The following DPP6 variants were observed in gnomAD, a reference collection of about 807,000 sequenced individuals.
DPP6 encodes the protein A-type potassium channel modulatory protein DPP6.
Under a neutral mutation model 122.6 loss-of-function variants are expected in DPP6, and 69 were observed. The ratio of observed to expected loss-of-function variants is 0.56; its 90% CI spans 0.46 to 0.69. DPP6 has a LOEUF of 0.69. Among genes scored for constraint, DPP6 ranks in the 30% least tolerant of loss-of-function variants. DPP6 has a pLI of 0.00. For missense variants in DPP6, 928 were observed against 1,116.9 expected, an observed-to-expected ratio of 0.83 and a Z score of 2.41; for synonymous variants, 418 against 433.1, an observed-to-expected ratio of 0.97 and a Z score of 0.43.
intron 1 of DPP6, among the ~76,000 whole-genome samples, chr7:153,909,880 G>GT (rs773193930): frequency 3.0e-4 from 46 of 152,246 alleles, no homozygotes; most frequent in Admixed American, 1.4e-3. Flanking sequence ...CACAGGAGAG[G>GT]ATATTGGAGC....
Position 154,604,277 on chromosome 7 carries a change from T to A in DPP6, c.628-33544T>A, listed in dbSNP as rs1284579885. Among the ~76,000 whole-genome samples the A allele has an allele frequency of 3.3e-5, 4 of 120,198 alleles. 2 individuals are homozygous for A. Among genetic ancestry groups the A allele is most frequent in the Non-Finnish European group, 7.5e-5 (4 of 53,390 alleles). The allele number at this position is 120,198 out of a possible 152,430, so 78.9% of individuals were successfully genotyped here. A position where few individuals can be genotyped will look rare whatever the true frequency, so the allele number is the denominator to read the frequency against. Reference sequence around the variant, plus strand: ...TCCTTTTCTCGTCTTTCTCTTCTGTTCTATTTATCTATCCTTACACAATAC... The same window carrying A: ...TCCTTTTCTCGTCTTTCTCTTCTGTACTATTTATCTATCCTTACACAATAC... On this transcript the variant is annotated intron_variant, in intron 5 of 25. Coordinates refer to ENST00000377770, the MANE Select transcript of DPP6 (RefSeq NM_130797.4).
chr7:154,708,316 C>T lies in DPP6; in HGVS notation c.763-19451C>T, dbSNP rs1586929623. Among the ~76,000 whole-genome samples, 8 of 152,318 alleles carry T rather than the reference C, an allele frequency of 5.3e-5. 1 individual carries two copies. The highest frequency in any genetic ancestry group is 4.6e-4 in the Admixed American group (7 of 15,286). ...ATTTCCAGCAGTCTCTTCATGTAAT[C>T]TCTGCAAGAAAAGTCTCTTTTGATA... On this transcript the variant is annotated intron_variant, in intron 7 of 25. Transcript: ENST00000377770.
At position 154,675,554 on chromosome 7, in the gene DPP6, G is replaced by A. The variant is rs191621637; in HGVS notation, c.762+6113G>A. On this transcript the variant is annotated intron_variant, in intron 7 of 25. Coordinates refer to ENST00000377770, the MANE Select transcript of DPP6 (RefSeq NM_130797.4). ...CGGGACCCTGCAGGCCGGTCCTGCC[G>A]TGCATGTACTTTCCTGTCATTCTCT... Among the ~76,000 whole-genome samples the A allele has an allele frequency of 8.2e-4, 125 of 152,258 alleles. 1 individual carries two copies. The highest frequency in any genetic ancestry group is 3.4e-3 in the Middle Eastern group (1 of 294).
chr7:154,693,043 C>T, intron 7 of DPP6, among the ~76,000 whole-genome samples: 1 of 152,182 alleles, frequency 6.6e-6, no homozygotes, highest in East Asian at 1.9e-4. Flanking sequence ...CCTCCTGCCT[C>T]AGCCTCCCAA....
chr7:153,964,763 A>G (rs1176459141), intron 1 of DPP6, among the ~76,000 whole-genome samples: 1 of 144,188 alleles, frequency 6.9e-6, no homozygotes, highest in Non-Finnish European at 1.5e-5. Flanking sequence ...CTGATGCTCC[A>G]CATTCTTCTC....
chr7:154,661,733 T>C (rs1284662359), intron 6 of DPP6, among the ~76,000 whole-genome samples: 4 of 142,786 alleles, frequency 2.8e-5, no homozygotes, highest in South Asian at 2.3e-4. Context: ...GTAGTGTTCA[T>C]ATAGTCATGG....
At position 154,497,600 on chromosome 7, in the gene DPP6, C is replaced by T. The variant is rs1174487578; in HGVS notation, c.457+22563C>T. On this transcript the variant is annotated intron_variant, in intron 3 of 25. Coordinates refer to ENST00000377770, the MANE Select transcript of DPP6 (RefSeq NM_130797.4). Reference sequence around the variant, plus strand: ...CTCCAGCCTGGGAGACAGAGTGAGACTCCATCTCCAAAAAAAGAAAAAAAA... The same window carrying T: ...CTCCAGCCTGGGAGACAGAGTGAGATTCCATCTCCAAAAAAAGAAAAAAAA... 2.7e-5 allele frequency among the ~76,000 whole-genome samples: 4 copies of T among 145,616 alleles called. No individual in the cohort carries two copies. The East Asian group carries it at 7.9e-4, about 29-fold the overall frequency.
the DPP6 span, among the ~76,000 whole-genome samples, chr7:153,748,844 G>C: frequency 7.1e-6 from 1 of 141,322 alleles, no homozygotes; most frequent in African/African-American, 2.6e-5. Context: ...GCAGAAGGAG[G>C]ACCCACCTCG....
intron 5 of DPP6, among the ~76,000 whole-genome samples, chr7:154,573,673 C>G (rs1276361980): frequency 2.0e-5 from 3 of 152,236 alleles, no homozygotes; most frequent in Admixed American, 6.5e-5. Context: ...TTCTCTGTGA[C>G]TCTTACTACA....
chr7:154,771,331 T>C (rs1352282536), intron 9 of DPP6, among the ~76,000 whole-genome samples: 2 of 152,202 alleles, frequency 1.3e-5, no homozygotes, highest in Non-Finnish European at 2.9e-5. Context: ...AGTCCAAGAT[T>C]AGGGTTCCGG....
intron 1 of DPP6, among the ~76,000 whole-genome samples, chr7:154,317,945 A>T (rs1003714405): frequency 1.2e-4 from 19 of 152,232 alleles, no homozygotes; most frequent in African/African-American, 4.6e-4. Context: ...CTTGAATGAC[A>T]TATTCTCAAC....
At chr7:154,359,495 C>T (rs1221734098) in intron 1 of DPP6, among the ~76,000 whole-genome samples, 1 of 152,144 alleles carries the variant, frequency 6.6e-6, no homozygotes, top group Non-Finnish European at 1.5e-5. Flanking sequence ...GCCCCTCTTC[C>T]CCTGCCTTAT....
chr7:154,579,852 C>G (rs1265833690), intron 5 of DPP6, among the ~76,000 whole-genome samples: 1 of 152,058 alleles, frequency 6.6e-6, no homozygotes, highest in African/African-American at 2.4e-5. Context: ...GGCAGAGACA[C>G]GGTAAGGAGG....
chr7:154,103,820 C>T (rs1399883875), intron 1 of DPP6, among the ~76,000 whole-genome samples: 4 of 152,224 alleles, frequency 2.6e-5, no homozygotes, highest in Admixed American at 6.5e-5. Context: ...ATCAGACTCC[C>T]GGTTCCTCCG....
rs71184004 is a variant in DPP6, at chr7:154,459,974, C to CTTTT, written c.358+13668_358+13671dup. 8.9e-4 allele frequency among the ~76,000 whole-genome samples: 52 copies of CTTTT among 58,594 alleles called. 1 individual carries two copies. The highest frequency in any genetic ancestry group is 1.4e-3 in the African/African-American group (19 of 13,496). 38.4% of individuals were successfully genotyped at this position (58,594 alleles called of 152,430 possible). A position where few individuals can be genotyped will look rare whatever the true frequency, so the allele number is the denominator to read the frequency against. On this transcript the variant is annotated intron_variant, in intron 2 of 25. Coordinates refer to ENST00000377770, the MANE Select transcript of DPP6 (RefSeq NM_130797.4). Reference sequence around the variant, plus strand: ...AAGTCTTCTGATATTTATTCATGTGCTTTTTTTTTTTTTTTTTTTTTTTTT... The same window carrying CTTTT: ...AAGTCTTCTGATATTTATTCATGTGCTTTTTTTTTTTTTTTTTTTTTTTTTTTTT...
At chr7:154,392,004 C>T (rs748414213) in intron 1 of DPP6, among the ~76,000 whole-genome samples, 4 of 152,084 alleles carry the variant, frequency 2.6e-5, no homozygotes, top group Non-Finnish European at 4.4e-5. Context: ...CCGGGCGCGG[C>T]GGCTCACACC....
chr7:154,796,133 G>GT lies in DPP6; in HGVS notation c.1299+253dup, dbSNP rs1364609950. On this transcript the variant is annotated intron_variant, in intron 12 of 25. Transcript: ENST00000377770. ...ATCACGGCTCTTCAGAGCGTGGAAT[G>GT]TTTGGTGAGACCTCAGCTTGCAGTT... 5 of 511,350 alleles carry GT rather than the reference G, an allele frequency of 9.8e-6. No homozygotes were observed. In the Admixed American group the frequency reaches 1.8e-4, roughly 19 times the overall value. 31.7% of individuals were successfully genotyped at this position (511,350 alleles called of 1,614,324 possible).
chr7:154,439,839 G>T (rs989319309), intron 1 of DPP6, among the ~76,000 whole-genome samples: 1 of 152,226 alleles, frequency 6.6e-6, no homozygotes, highest in African/African-American at 2.4e-5. Flanking sequence ...GTCATGTTAT[G>T]TAAAATAGGC....
intron 5 of DPP6, among the ~76,000 whole-genome samples, chr7:154,603,433 G>A (rs138437701): frequency 0.022 from 2,545 of 117,076 alleles, 476 homozygotes; most frequent in African/African-American, 0.064. Context: ...TTGGGAGGCC[G>A]AAGTGGGCAG....
Sources: gnomAD v4.1 joint callset for allele counts (sites outside exome capture counted in the v4.1 genomes callset) on GRCh38, gnomAD v4.1.1 for gene constraint, MANE v1.5 for transcripts, NCBI Gene and HGNC (gene_info 2026-07-23, HGNC 2026-07-21) for gene names.